The following CNTN6 variants were observed in gnomAD, a reference collection of about 807,000 sequenced individuals.
CNTN6 encodes the protein contactin-6.
CNTN6 carries 137 observed loss-of-function variants against 122.8 expected under a neutral mutation model. The ratio of observed to expected loss-of-function variants is 1.12; its 90% CI spans 0.97 to 1.29. CNTN6 has a LOEUF of 1.29. Among genes scored for constraint, CNTN6 ranks in the 50% most tolerant of loss-of-function variants. CNTN6 has a pLI of 0.00. For missense variants in CNTN6, 1,634 were observed against 1,223.4 expected (o/e 1.34, Z -5.01); for synonymous variants, 570 against 426.0 (o/e 1.34, Z -4.16).
intron 11 of CNTN6, among the ~76,000 whole-genome samples, chr3:1,342,881 T>C (rs1704109168): frequency 2.6e-5 from 4 of 152,150 alleles, no homozygotes; most frequent in African/African-American, 9.7e-5. Context: ...CAACGGGGAT[T>C]GAACTGTGCA....
rs540699162 is a variant in CNTN6, at chr3:1,403,614, G to A, written c.*196G>A. On this transcript the variant is annotated 3_prime_UTR_variant, in exon 23 of 23. Coordinates refer to ENST00000446702, the MANE Select transcript of CNTN6 (RefSeq NM_001289080.2). ...TAAACACTTTTGAATTTTAAAATCC[G>A]CACATGATTACATGAATTCCTAGGT... The A allele has an allele frequency of 2.2e-5, 8 of 369,820 alleles. No individual in the cohort carries two copies. The highest frequency in any genetic ancestry group is 1.3e-4 in the Admixed American group (3 of 22,576). The allele number at this position is 369,820 out of a possible 1,614,324, so 22.9% of individuals were successfully genotyped here.
chr3:1,222,509 AC>A, intron 3 of CNTN6, among the ~76,000 whole-genome samples: 1 of 152,284 alleles, frequency 6.6e-6, no homozygotes, highest in Non-Finnish European at 1.5e-5. Context: ...TTGGCTTTTA[AC>A]AGTTAGAAGG....
intron 15 of CNTN6, 37 bp from the exon 16 acceptor site, chr3:1,373,887 T>G: frequency 6.3e-7 from 1 of 1,585,570 alleles, no homozygotes; most frequent in East Asian, 2.3e-5. Flanking sequence ...TTTTGAGTAG[T>G]CCCAACCTAG....
intron 4 of CNTN6, among the ~76,000 whole-genome samples, chr3:1,244,588 G>C (rs2094533395): frequency 6.6e-6 from 1 of 152,206 alleles, no homozygotes; most frequent in African/African-American, 2.4e-5. Flanking sequence ...GATCTCCCAA[G>C]GGATGTCCCC....
intron 2 of CNTN6, among the ~76,000 whole-genome samples, chr3:1,183,940 A>C (rs1016820438): frequency 1.3e-5 from 2 of 152,134 alleles, no homozygotes; most frequent in Non-Finnish European, 2.9e-5. Flanking sequence ...GAACTCAGTT[A>C]CTGATTGTTG....
chr3:1,298,052 CT>C, intron 7 of CNTN6, 61 bp downstream of exon 7: 2 of 1,233,874 alleles, frequency 1.6e-6, no homozygotes, highest in Non-Finnish European at 2.3e-6. Flanking sequence ...TATTAAAAAC[CT>C]TTTTGTTATT....
At chr3:1,158,753 TAC>T (rs1366979072) in intron 2 of CNTN6, among the ~76,000 whole-genome samples, 2 of 138,608 alleles carry the variant, frequency 1.4e-5, no homozygotes, top group Non-Finnish European at 3.1e-5. Flanking sequence ...TATATATATA[TAC>T]ATATATATAC....
chr3:1,213,661 TATAG>T (rs1260273357), intron 2 of CNTN6, among the ~76,000 whole-genome samples: 1 of 151,766 alleles, frequency 6.6e-6, no homozygotes, highest in African/African-American at 2.4e-5. Context: ...TGTATTCATG[TATAG>T]ATAGATAATA....
chr3:1,289,203 A>G (rs938607475), intron 5 of CNTN6, among the ~76,000 whole-genome samples: 1 of 152,212 alleles, frequency 6.6e-6, no homozygotes, highest in Non-Finnish European at 1.5e-5. Flanking sequence ...CCCCATTGAA[A>G]GATACACAGA....
chr3:1,267,120 C>T (rs1029129214), intron 4 of CNTN6, among the ~76,000 whole-genome samples: 2 of 152,000 alleles, frequency 1.3e-5, no homozygotes, highest in Non-Finnish European at 2.9e-5. Flanking sequence ...TACCTACCAC[C>T]TGCTAAGACT....
intron 4 of CNTN6, among the ~76,000 whole-genome samples, chr3:1,259,260 C>T (rs781279617): frequency 1.3e-5 from 2 of 152,008 alleles, no homozygotes; most frequent in Non-Finnish European, 2.9e-5. Context: ...CTGAAGAAGA[C>T]AGAACAAGTA....
intron 2 of CNTN6, among the ~76,000 whole-genome samples, chr3:1,195,697 G>A (rs2093766997): frequency 6.6e-6 from 1 of 152,130 alleles, no homozygotes; most frequent in African/African-American, 2.4e-5. Flanking sequence ...ATGAAACTGA[G>A]TGTCTCCAAA....
chr3:1,144,627 C>T (rs553630309), intron 1 of CNTN6, among the ~76,000 whole-genome samples: 52 of 133,004 alleles, frequency 3.9e-4, no homozygotes, highest in African/African-American at 1.3e-3. Context: ...AATGAAGGGG[C>T]TTGGGGCTTG....
At position 1,372,855 on chromosome 3, in the gene CNTN6, G is replaced by C. The variant is rs559789763; in HGVS notation, c.1686G>C (p.Leu562Phe). The change falls in exon 14 of 23, where the codon TTG becomes TTC. Residue 562 changes from leucine (L) to phenylalanine (F), a missense_variant. By Grantham distance (22) the Leu-to-Phe change is conservative (BLOSUM62 0). Transcript: ENST00000446702. ...ERIGGESVGD[L>F]MIRNIQLHHS... ...GTCTGCAGGAATCTGTTGGGGATTT[G>C]ATGATAAGGAATATTCAGTTACATC... 1.2e-6 allele frequency: 2 copies of C among 1,600,928 alleles called. No homozygotes were observed. Among genetic ancestry groups the C allele is most frequent in the East Asian group, 2.2e-5 (1 of 44,550 alleles).
chr3:1,309,600 ATTTTG>A (rs1698916550), intron 7 of CNTN6, among the ~76,000 whole-genome samples: 1 of 152,064 alleles, frequency 6.6e-6, no homozygotes, highest in African/African-American at 2.4e-5. Context: ...TGTGTTGGCT[ATTTTG>A]TTTTGTTTTG....
intron 20 of CNTN6, among the ~76,000 whole-genome samples, chr3:1,393,992 C>T (rs1399361666): frequency 6.6e-6 from 1 of 152,146 alleles, no homozygotes; most frequent in Admixed American, 6.5e-5. Flanking sequence ...TTCTTCCCTG[C>T]TATTCTTAAG....
chr3:1,384,258 A>G (rs1692402547), intron 19 of CNTN6, among the ~76,000 whole-genome samples: 1 of 151,966 alleles, frequency 6.6e-6, no homozygotes, highest in Non-Finnish European at 1.5e-5. Flanking sequence ...TGATCAGGTG[A>G]TTATATGATT....
chr3:1,175,409 A>G (rs1216539773), intron 2 of CNTN6, among the ~76,000 whole-genome samples: 5 of 133,992 alleles, frequency 3.7e-5, no homozygotes. Context: ...AAACAAACAA[A>G]CAAAAGAACA....
chr3:1,403,419 T>C lies in CNTN6; in HGVS notation c.*1T>C, dbSNP rs752373504. 2.6e-5 allele frequency: 41 copies of C among 1,580,286 alleles called. No homozygotes were observed. The East Asian group carries it at 9.0e-4, about 35-fold the overall frequency. On this transcript the variant is annotated 3_prime_UTR_variant, in exon 23 of 23. Coordinates refer to ENST00000446702, the MANE Select transcript of CNTN6 (RefSeq NM_001289080.2). The stretch of plus-strand genomic sequence containing the variant: ...TTTTGCTATTCAGCCACTTATCTGA[T>C]GAATAAAACCATAAATCTTTGAGAG...
Sources: allele counts gnomAD v4.1 joint callset (sites outside exome capture counted in the v4.1 genomes callset), GRCh38; gene constraint gnomAD v4.1.1; transcripts MANE v1.5; gene names NCBI Gene and HGNC (gene_info 2026-07-23, HGNC 2026-07-21).